The following ZNF439 variants were observed in gnomAD, a reference collection of about 807,000 sequenced individuals.
ZNF439 encodes the protein zinc finger protein 439.
In ZNF439, 40 loss-of-function variants were observed where a neutral mutation model predicts 47.3. The observed-to-expected ratio is 0.85, with a 90% confidence interval of 0.66 to 1.10. The LOEUF (loss-of-function observed/expected upper bound fraction) is 1.10. ZNF439 is among the 50% of genes least tolerant of loss of function. ZNF439 has a pLI of 0.00. For synonymous variants in ZNF439, 171 were observed against 198.8 expected (o/e 0.86, Z 1.18); for missense variants, 556 against 601.1 (o/e 0.93, Z 0.78).
chr19:11,865,738 A>AAAAAAAAAAC (rs1409459624), intron 1 of ZNF439, among the ~76,000 whole-genome samples: 8 of 144,752 alleles, frequency 5.5e-5, no homozygotes, highest in African/African-American at 1.9e-4. Flanking sequence ...AAAAAAAAAA[A>AAAAAAAAAAC]AATTGCTGTC....
chr19:11,866,546 G>A lies in ZNF439; in HGVS notation c.200G>A (p.Trp67Ter), dbSNP rs572007887. The A allele has an allele frequency of 5.0e-6, 8 of 1,613,058 alleles. No homozygotes were observed. The highest frequency in any genetic ancestry group is 4.5e-5 in the East Asian group (2 of 44,860). The change falls in exon 3 of 4, where the codon TGG becomes TAG. Residue 67 changes from tryptophan (W) to a stop codon, truncating the protein, a stop_gained. Coordinates refer to ENST00000682736, the MANE Select transcript of ZNF439 (RefSeq NM_001348719.2). LOFTEE classifies it high-confidence loss of function. ...TGTGTTTGTATTTTAGGAAAAAAGT[G>A]GAAAGACCAGAACATTGAATATGAG... ...FWNLTSIGKK[W>*]KDQNIEYEYQ...
Position 11,866,333 on chromosome 19 carries a change from T to A in ZNF439, c.190+2T>A. On this transcript the variant is annotated splice_donor_variant, in intron 2 of 3. Coordinates refer to ENST00000682736, the MANE Select transcript of ZNF439 (RefSeq NM_001348719.2). LOFTEE classifies it high-confidence loss of function. ...CTTTCTGGAACCTGACCTCTATAGG[T>A]AAGGATGACAATATTCCTTCCCTCA... The A allele has an allele frequency of 6.2e-7, 1 of 1,614,074 alleles. No individual in the cohort carries two copies. The highest frequency in any genetic ancestry group is 8.5e-7 in the Non-Finnish European group (1 of 1,179,990).
intron 3 of ZNF439, among the ~76,000 whole-genome samples, 196 bp downstream of exon 3, chr19:11,866,793 T>C (rs1203298864): frequency 1.3e-5 from 2 of 152,138 alleles, no homozygotes; most frequent in African/African-American, 4.8e-5. Context: ...CTTTGAGACA[T>C]GGAGATAGGA....
chr19:11,860,403 C>G (rs1278844983), intron 1 of ZNF439, among the ~76,000 whole-genome samples: 4 of 151,432 alleles, frequency 2.6e-5, no homozygotes, highest in Admixed American at 2.6e-4. Context: ...CTCCCAGTAC[C>G]TCTTTAGGGC....
chr19:11,861,045 T>C (rs1976526658), intron 1 of ZNF439, among the ~76,000 whole-genome samples: 1 of 152,180 alleles, frequency 6.6e-6, no homozygotes, highest in African/African-American at 2.4e-5. Flanking sequence ...TATTTAAATT[T>C]GTTCATACTC....
At chr19:11,851,061 A>C (rs1976225017) in intron 1 of ZNF439, 1 of 152,032 alleles carries the variant, frequency 6.6e-6, no homozygotes, top group Non-Finnish European at 1.5e-5. Context: ...AACAAACAAA[A>C]AAGAGTTGAA....
At chr19:11,862,809 C>T (rs1161864008) in intron 1 of ZNF439, among the ~76,000 whole-genome samples, 3 of 151,852 alleles carry the variant, frequency 2.0e-5, no homozygotes, top group Non-Finnish European at 2.9e-5. Flanking sequence ...AATGCAATGG[C>T]GTGATCTCAG....
At chr19:11,849,157 TGCAGCTCCGCGCCC>T (rs1425147869) in intron 1 of ZNF439, 1 of 1,102,556 alleles carries the variant, frequency 9.1e-7, no homozygotes, top group Non-Finnish European at 1.1e-6. Flanking sequence ...AGCCCTTTTG[TGCAGCTCCGCGCCC>T]GCAGCCCGAC....
intron 1 of ZNF439, among the ~76,000 whole-genome samples, chr19:11,862,879 G>A (rs1976575570): frequency 6.6e-6 from 1 of 151,962 alleles, no homozygotes; most frequent in African/African-American, 2.4e-5. Flanking sequence ...CTCCCAAGTA[G>A]CTGGGATTAC....
chr19:11,866,088 A>T, intron 1 of ZNF439, 117 bp from the exon 2 acceptor site: 1 of 1,548,460 alleles, frequency 6.5e-7, no homozygotes, highest in Non-Finnish European at 8.7e-7. Context: ...CTGATGACCA[A>T]AGCAGGGAAT....
chr19:11,869,212 TCA>T lies in ZNF439; in HGVS notation c.*647_*648del, dbSNP rs1476897060. ...GTTCTTTTCAATATCATGAAAGGAC[TCA>T]CACTGGGGAGAAACCGTATCAATGT... On this transcript the variant is annotated 3_prime_UTR_variant, in exon 4 of 4. Transcript: ENST00000682736. 1 of 233,442 alleles carries T rather than the reference TCA, an allele frequency of 4.3e-6. No individual in the cohort carries two copies. Among genetic ancestry groups the T allele is most frequent in the African/African-American group, 2.4e-5 (1 of 42,550 alleles). The allele number at this position is 233,442 out of a possible 1,614,324, so 14.5% of individuals were successfully genotyped here.
chr19:11,853,321 G>A (rs968775691), intron 1 of ZNF439, among the ~76,000 whole-genome samples: 1 of 152,196 alleles, frequency 6.6e-6, no homozygotes, highest in African/African-American at 2.4e-5. Flanking sequence ...GAGGACGAAT[G>A]CGGGAATAAA....
intron 1 of ZNF439, among the ~76,000 whole-genome samples, chr19:11,859,546 A>G (rs1976484384): frequency 6.6e-6 from 1 of 152,240 alleles, no homozygotes; most frequent in Admixed American, 6.5e-5. Flanking sequence ...GATTCTGGTA[A>G]TCCTAAAGTA....
intron 1 of ZNF439, chr19:11,857,917 C>T (rs2145165995): frequency 6.6e-6 from 1 of 152,262 alleles, no homozygotes; most frequent in Non-Finnish European, 1.5e-5. Context: ...CTCTGAATAA[C>T]TGATGTAAGA....
chr19:11,851,477 C>T (rs181906016), intron 1 of ZNF439, among the ~76,000 whole-genome samples: 21 of 152,200 alleles, frequency 1.4e-4, no homozygotes, highest in Non-Finnish European at 2.5e-4. Flanking sequence ...TCATGGGAAA[C>T]ATTTTATGAC....
At chr19:11,865,477 T>C (rs1409038897) in intron 1 of ZNF439, among the ~76,000 whole-genome samples, 2 of 149,790 alleles carry the variant, frequency 1.3e-5, no homozygotes, top group Admixed American at 6.8e-5. Context: ...GGTTGTGGGA[T>C]TTCCCAGGGG....
At chr19:11,849,275 C>T in intron 1 of ZNF439, 1 of 1,009,182 alleles carries the variant, frequency 9.9e-7, no homozygotes, top group Non-Finnish European at 1.2e-6. Context: ...TCTGTGGGGC[C>T]CACAGCCTCC....
chr19:11,855,661 C>T (rs183335437), intron 1 of ZNF439, among the ~76,000 whole-genome samples: 3 of 152,168 alleles, frequency 2.0e-5, no homozygotes, highest in Admixed American at 6.5e-5. Context: ...AAGTATAGGC[C>T]GTACTGCTGG....
chr19:11,851,725 A>T (rs994837483), intron 1 of ZNF439, among the ~76,000 whole-genome samples: 16 of 151,252 alleles, frequency 1.1e-4, no homozygotes, highest in Admixed American at 2.6e-4. Flanking sequence ...TGGTGCCATC[A>T]CGGCTTACTG....
Sources: allele counts gnomAD v4.1 joint callset (sites outside exome capture counted in the v4.1 genomes callset), GRCh38; gene constraint gnomAD v4.1.1; transcripts MANE v1.5; gene names NCBI Gene and HGNC (gene_info 2026-07-23, HGNC 2026-07-21).